Variants in RGPD2 observed in about 807,000 individuals in gnomAD.
The protein encoded by RGPD2 is RANBP2 like and GRIP domain containing 2, also known as RANBP2-like and GRIP domain-containing protein 2.
Under a neutral mutation model 36.0 loss-of-function variants are expected in RGPD2, and 2 were observed. That is an observed-to-expected ratio of 0.06 (90% CI 0.02 to 0.17). RGPD2 has a LOEUF of 0.17. RGPD2 is among the 10% of genes least tolerant of loss of function. The pLI is 1.00. For missense variants in RGPD2, 40 were observed against 464.3 expected, an observed-to-expected ratio of 0.09 and a Z score of 8.40; for synonymous variants, 19 against 163.8, an observed-to-expected ratio of 0.12 and a Z score of 6.75.
At chr2:87,974,547 C>G in the RGPD2 span, among the ~76,000 whole-genome samples, 1 of 152,226 alleles carries the variant, frequency 6.6e-6, no homozygotes, top group Non-Finnish European at 1.5e-5. Flanking sequence ...CTCCATACCT[C>G]TTGACACACA....
At chr2:87,941,135 A>G in the RGPD2 span, among the ~76,000 whole-genome samples, 1 of 151,582 alleles carries the variant, frequency 6.6e-6, no homozygotes, top group Non-Finnish European at 1.5e-5. Flanking sequence ...AGTATAAATG[A>G]TACCGGAAAA....
At chr2:87,884,337 C>A in the RGPD2 span, among the ~76,000 whole-genome samples, 2 of 151,824 alleles carry the variant, frequency 1.3e-5, no homozygotes, top group Non-Finnish European at 2.9e-5. Flanking sequence ...AAATCTACAT[C>A]AAAAAAGAAG....
chr2:87,848,698 C>G, the RGPD2 span, among the ~76,000 whole-genome samples: 2 of 145,434 alleles, frequency 1.4e-5, no homozygotes, highest in Non-Finnish European at 1.5e-5. Flanking sequence ...AGAAACAACT[C>G]TGGCTTCATT....
In RGPD2 at chr2:87,825,612, C is replaced by CCGCCCGGCCAGGTCGAGGCCGG. The variant is rs1686761539; in HGVS notation, c.72+45_72+46insCCGGCCTCGACCTGGCCGGGCG. On this transcript the variant is annotated intron_variant, in intron 1 of 22. Transcript: ENST00000398146. The stretch of plus-strand genomic sequence containing the variant: ...CCGCCGCCCGGCCAGGTCGAGGCCG[C>CCGCCCGGCCAGGTCGAGGCCGG]CGCCCGGCCAGGTCGAGGCCGTCGG... 2.1e-6 allele frequency: 3 copies of CCGCCCGGCCAGGTCGAGGCCGG among 1,425,058 alleles called. No individual in the cohort carries two copies. The African/African-American group carries it at 4.6e-5, about 22-fold the overall frequency. The allele number at this position is 1,425,058 out of a possible 1,614,324, so 88.3% of individuals were successfully genotyped here.
chr2:87,875,084 T>C, the RGPD2 span, among the ~76,000 whole-genome samples: 1 of 152,266 alleles, frequency 6.6e-6, no homozygotes, highest in South Asian at 2.1e-4. Flanking sequence ...CTAAAGTTGC[T>C]TGCCAGCTTA....
the RGPD2 span, among the ~76,000 whole-genome samples, chr2:87,943,455 T>C: frequency 6.6e-6 from 1 of 152,080 alleles, no homozygotes; most frequent in East Asian, 1.9e-4. Context: ...TTTGTTTTAT[T>C]TTGTTCCATA....
chr2:87,834,917 T>C, the RGPD2 span, among the ~76,000 whole-genome samples: 4 of 149,540 alleles, frequency 2.7e-5, no homozygotes, highest in Non-Finnish European at 5.9e-5. Context: ...CATTAGCAAA[T>C]TGAAGACTCA....
At chr2:87,763,415 C>A (rs1185812389) in intron 22 of RGPD2, among the ~76,000 whole-genome samples, 4 of 140,140 alleles carry the variant, frequency 2.9e-5, no homozygotes, top group Non-Finnish European at 6.2e-5. Context: ...CCTCAGCCTC[C>A]CAAAGTGCTG....
intron 22 of RGPD2, among the ~76,000 whole-genome samples, chr2:87,763,392 C>T (rs1257095572): frequency 2.1e-5 from 3 of 145,858 alleles, no homozygotes; most frequent in African/African-American, 5.2e-5. Context: ...CTCCTGACCT[C>T]GTGATCCTCC....
chr2:87,771,847 TA>T (rs1413314657), intron 22 of RGPD2, among the ~76,000 whole-genome samples: 2 of 148,688 alleles, frequency 1.3e-5, no homozygotes, highest in African/African-American at 2.5e-5. Context: ...AAATGTTTTT[TA>T]AAAAGTAGAA....
At chr2:87,911,752 T>C in the RGPD2 span, among the ~76,000 whole-genome samples, 1 of 152,128 alleles carries the variant, frequency 6.6e-6, no homozygotes, top group Non-Finnish European at 1.5e-5. Flanking sequence ...TATTTTAGTA[T>C]TTGCTGTTAA....
At chr2:87,985,516 C>T in the RGPD2 span, among the ~76,000 whole-genome samples, 1 of 151,804 alleles carries the variant, frequency 6.6e-6, no homozygotes, top group Non-Finnish European at 1.5e-5. Context: ...CTTTAACATT[C>T]TAAAGCTCAG....
chr2:87,977,579 T>A, the RGPD2 span, among the ~76,000 whole-genome samples: 93 of 149,714 alleles, frequency 6.2e-4, 1 homozygote, highest in African/African-American at 2.3e-3. Flanking sequence ...TCTGGGAGGC[T>A]GAAATGGGAG....
chr2:87,958,658 C>G, the RGPD2 span, among the ~76,000 whole-genome samples: 1 of 152,250 alleles, frequency 6.6e-6, no homozygotes, highest in Non-Finnish European at 1.5e-5. Context: ...TTTTTTGGTG[C>G]TTTTTAGCTT....
chr2:87,882,758 T>C, the RGPD2 span, among the ~76,000 whole-genome samples: 1 of 152,202 alleles, frequency 6.6e-6, no homozygotes, highest in African/African-American at 2.4e-5. Flanking sequence ...TTGCACCTTC[T>C]TCCATTTCTT....
the RGPD2 span, among the ~76,000 whole-genome samples, chr2:87,914,854 C>A: frequency 6.6e-6 from 1 of 151,828 alleles, no homozygotes; most frequent in African/African-American, 2.4e-5. Context: ...CCAGAGAAGT[C>A]CTGGGAATAA....
chr2:87,983,316 T>C, the RGPD2 span, among the ~76,000 whole-genome samples: 1 of 151,720 alleles, frequency 6.6e-6, no homozygotes, highest in Non-Finnish European at 1.5e-5. Context: ...CAAAACCCCG[T>C]CTTAAAAAAG....
upstream of RGPD2, among the ~76,000 whole-genome samples, chr2:87,830,579 C>T (rs1672469976): frequency 6.6e-6 from 1 of 152,110 alleles, no homozygotes; most frequent in African/African-American, 2.4e-5. Flanking sequence ...TCTACTGATA[C>T]CAATTGACTG....
At chr2:87,973,056 C>T in the RGPD2 span, 6 of 1,573,382 alleles carry the variant, frequency 3.8e-6, no homozygotes, top group South Asian at 6.7e-5. Flanking sequence ...GTTCACCGCC[C>T]AGGCACCACC....
Sources: allele counts gnomAD v4.1 joint callset (sites outside exome capture counted in the v4.1 genomes callset), GRCh38; gene constraint gnomAD v4.1.1; transcripts MANE v1.5; gene names NCBI Gene and HGNC (gene_info 2026-07-23, HGNC 2026-07-21).